Variants in EIF3M observed in about 807,000 individuals in gnomAD.
The protein encoded by EIF3M is B5 receptor.
Under a neutral mutation model 49.7 loss-of-function variants are expected in EIF3M, and 25 were observed. The ratio of observed to expected loss-of-function variants is 0.50; its 90% CI spans 0.37 to 0.70. The LOEUF is 0.70. EIF3M is among the 30% of genes least tolerant of loss of function. The pLI, the probability that EIF3M is intolerant of heterozygous loss-of-function variation, is 0.00. For synonymous variants in EIF3M, 156 were observed against 149.8 expected (o/e 1.04, Z -0.30); for missense variants, 350 against 440.0 (o/e 0.80, Z 1.83).
chr11:32,601,753 T>G lies in EIF3M; in HGVS notation c.944-9T>G, dbSNP rs754612117. 2 of 1,610,894 alleles carry G rather than the reference T, an allele frequency of 1.2e-6. No homozygotes were observed. The highest frequency in any genetic ancestry group is 1.7e-6 in the Non-Finnish European group (2 of 1,178,474). ...CATATAACATACGATATAAAACATCTTTTTTCAGCCGTAAGAACTAAAATG... is the reference window on the plus strand; with the variant it reads ...CATATAACATACGATATAAAACATCGTTTTTCAGCCGTAAGAACTAAAATG... On this transcript the variant is annotated splice_polypyrimidine_tract_variant and intron_variant, in intron 9 of 10. Transcript: ENST00000531120.
intron 2 of EIF3M, among the ~76,000 whole-genome samples, 198 bp from the exon 3 acceptor site, chr11:32,588,388 GAAAAAAAA>G (rs71463359): frequency 0.36 from 33,427 of 93,082 alleles, 4,048 homozygotes; most frequent in Middle Eastern, 0.46. Context: ...GACTTCATCT[GAAAAAAAA>G]AAAAAAAAAA....
At chr11:32,591,287 A>G (rs949321183) in intron 5 of EIF3M, among the ~76,000 whole-genome samples, 3 of 152,242 alleles carry the variant, frequency 2.0e-5, no homozygotes, top group African/African-American at 7.2e-5. Flanking sequence ...CTGGAAAATG[A>G]CTTGCACCTG....
intron 1 of EIF3M, among the ~76,000 whole-genome samples, chr11:32,584,901 C>A (rs917716926): frequency 1.3e-5 from 2 of 152,168 alleles, no homozygotes; most frequent in African/African-American, 2.4e-5. Context: ...GAGTTGAACA[C>A]GACATCGTAT....
At chr11:32,586,849 T>G in intron 1 of EIF3M, 163 bp from the exon 2 acceptor site, 1 of 889,954 alleles carries the variant, frequency 1.1e-6, no homozygotes, top group Non-Finnish European at 1.6e-6. Context: ...CTGTGGCTCT[T>G]GTGGGATTGC....
rs556154576 is a variant in EIF3M, at chr11:32,588,189, G to A, written c.176-405G>A. Among the ~76,000 whole-genome samples, 52 of 152,170 alleles carry A rather than the reference G, an allele frequency of 3.4e-4. No individual in the cohort carries two copies. In the South Asian group the frequency reaches 0.01, roughly 30 times the overall value. On this transcript the variant is annotated intron_variant, in intron 2 of 10. Transcript: ENST00000531120. ...GTGGATCACATGGTCAAGAGTTCAA[G>A]ACCAGCCTGGCCAATATGGTGAAAC... is the stretch of plus-strand genomic sequence containing the variant.
chr11:32,600,545 C>T, intron 8 of EIF3M, 144 bp from the exon 9 acceptor site: 4 of 993,884 alleles, frequency 4.0e-6, no homozygotes, highest in Non-Finnish European at 5.3e-6. Flanking sequence ...GAAGCTTTGT[C>T]AAAATTGTTC....
intron 5 of EIF3M, chr11:32,592,367 G>T: frequency 1.8e-6 from 1 of 551,896 alleles, no homozygotes; most frequent in Non-Finnish European, 3.5e-6. Context: ...CAGTCCTCCT[G>T]TAACTTCTGT....
chr11:32,598,896 C>G (rs1476353334), intron 8 of EIF3M, among the ~76,000 whole-genome samples: 2 of 151,942 alleles, frequency 1.3e-5, no homozygotes, highest in East Asian at 3.8e-4. Flanking sequence ...GTTAACATTG[C>G]TAATTTATTG....
intron 3 of EIF3M, 59 bp from the exon 4 acceptor site, chr11:32,588,953 C>G: frequency 6.3e-7 from 1 of 1,597,508 alleles, no homozygotes; most frequent in Non-Finnish European, 8.5e-7. Context: ...GAGAGCTAAC[C>G]TCAACTTAAA....
rs1485018084 is a variant in EIF3M at position 32,602,944 on chromosome 11, C to T, written c.*545C>T. 6.2e-7 allele frequency: 1 copy of T among 1,613,468 alleles called. No individual in the cohort carries two copies. Among genetic ancestry groups the T allele is most frequent in the Non-Finnish European group, 8.5e-7 (1 of 1,179,706 alleles). Reference sequence around the variant, plus strand: ...AATGAGGCTCTGCCAGTCATCATCACCAGAAGTATTTTTAGTCGTCTTGAT... The same window carrying T: ...AATGAGGCTCTGCCAGTCATCATCATCAGAAGTATTTTTAGTCGTCTTGAT... On this transcript the variant is annotated 3_prime_UTR_variant, in exon 11 of 11. Transcript: ENST00000531120.
At chr11:32,600,908 T>C in intron 9 of EIF3M, 76 bp downstream of exon 9, 1 of 1,494,732 alleles carries the variant, frequency 6.7e-7, no homozygotes. Context: ...GATTTTTATC[T>C]GGAAACTGAG....
In EIF3M at chr11:32,587,155, A is replaced by C; in HGVS notation, c.175+11A>C. The C allele has an allele frequency of 6.5e-7, 1 of 1,548,254 alleles. No individual in the cohort carries two copies. Among genetic ancestry groups the C allele is most frequent in the Non-Finnish European group, 8.7e-7 (1 of 1,148,702 alleles). ...AGGAGGATGATAAAGGTTTGTTTTT[A>C]ATTTTTTTCTAATATTTCCTAATAA... is the stretch of plus-strand genomic sequence containing the variant. On this transcript the variant is annotated intron_variant, in intron 2 of 10. Coordinates refer to ENST00000531120, the MANE Select transcript of EIF3M (RefSeq NM_006360.6).
Position 32,600,753 on chromosome 11 carries a change from A to T in EIF3M, c.864A>T (p.Glu288Asp), listed in dbSNP as rs1855248983. The T allele has an allele frequency of 1.2e-6, 2 of 1,612,118 alleles. No individual in the cohort carries two copies. Among genetic ancestry groups the T allele is most frequent in the South Asian group, 2.2e-5 (2 of 90,892 alleles). ...RLLTFMGMAV[E>D]NKEISFDTMQ... ...TTACTTTTATGGGAATGGCAGTAGA[A>T]AATAAGGAAATTTCTTTTGACACAA... Residue 288 changes from glutamate to aspartate, a missense_variant, in exon 9 of 11, where the codon GAA becomes GAT. Glu to Asp is a conservative substitution (Grantham distance 45). Coordinates refer to ENST00000531120, the MANE Select transcript of EIF3M (RefSeq NM_006360.6).
intron 1 of EIF3M, 118 bp downstream of exon 1, chr11:32,584,047 G>C (rs1040445721): frequency 3.7e-6 from 5 of 1,356,014 alleles, no homozygotes; most frequent in African/African-American, 1.5e-5. Context: ...TGTTCTACAC[G>C]CGAGAATGGG....
intron 9 of EIF3M, 177 bp downstream of exon 9, chr11:32,601,009 A>T (rs943421147): frequency 2.8e-6 from 2 of 708,774 alleles, no homozygotes; most frequent in African/African-American, 1.8e-5. Flanking sequence ...GTAGAAATAT[A>T]AACTGCTATA....
chr11:32,593,241 A>T (rs1308480856), intron 5 of EIF3M, among the ~76,000 whole-genome samples: 1 of 152,252 alleles, frequency 6.6e-6, no homozygotes. Context: ...AGGAGTAAAG[A>T]TAAACATTTT....
chr11:32,593,193 T>C (rs1478440250), intron 5 of EIF3M, among the ~76,000 whole-genome samples: 1 of 152,262 alleles, frequency 6.6e-6, no homozygotes, highest in East Asian at 1.9e-4. Flanking sequence ...AGCAAAGCTT[T>C]CTATAAGCTG....
rs1386555796 is a variant in EIF3M at position 32,595,975 on chromosome 11, A to G, written c.727A>G (p.Ile243Val). 1 of 1,576,194 alleles carries G rather than the reference A, an allele frequency of 6.3e-7. No individual in the cohort carries two copies. The highest frequency in any genetic ancestry group is 8.6e-7 in the Non-Finnish European group (1 of 1,168,472). Residue 243 changes from isoleucine (I) to valine (V), a missense_variant, in exon 8 of 11, where the codon ATT becomes GTT. Transcript: ENST00000531120. The stretch of plus-strand genomic sequence containing the variant: ...TCTCTTATCTGTATAGCTTTTAACC[A>G]TTTTTGTGAGTGCTAAATTGGCATC... ...EGELIHDLLT[I>V]FVSAKLASYV... is the part of the protein sequence containing the mutation.
chr11:32,594,011 A>T (rs536659249), intron 6 of EIF3M, 62 bp downstream of exon 6: 1 of 1,157,382 alleles, frequency 8.6e-7, no homozygotes, highest in African/African-American at 1.6e-5. Context: ...CTACAATATT[A>T]AATTAAGTAA....
Sources: gnomAD v4.1 joint callset for allele counts (sites outside exome capture counted in the v4.1 genomes callset) on GRCh38, gnomAD v4.1.1 for gene constraint, MANE v1.5 for transcripts, NCBI Gene and HGNC (gene_info 2026-07-23, HGNC 2026-07-21) for gene names.